The following ZNF701 variants were observed in gnomAD, a reference collection of about 807,000 sequenced individuals.
ZNF701 encodes the protein zinc finger protein 701.
A neutral mutation model predicts 7.1 loss-of-function variants in ZNF701; 6 were observed. The observed-to-expected ratio is 0.84, with a 90% CI of 0.46 to 1.66. The LOEUF is 1.66. Ranked by LOEUF, ZNF701 falls within the 40% of genes most tolerant of loss-of-function variation. The probability of loss-of-function intolerance (pLI) is 0.01; values close to 1 mark genes in which losing one functional copy is unlikely to be tolerated. For missense variants in ZNF701, 541 were observed against 559.2 expected, an observed-to-expected ratio of 0.97 and a Z score of 0.33; for synonymous variants, 166 against 188.2, an observed-to-expected ratio of 0.88 and a Z score of 0.97.
Position 52,582,309 on chromosome 19 carries a change from G to GATA in ZNF701, c.251_253dup (p.Asp84_Thr85insAsn). The GATA allele has an allele frequency of 1.2e-6, 2 of 1,614,052 alleles. No homozygotes were observed. Among genetic ancestry groups the GATA allele is most frequent in the South Asian group, 2.2e-5 (2 of 91,036 alleles). ...AATACATGCAAGTCATCACATTGGA[G>GATA]ATACTTGCTTCCAGGAAATTGAGAA... On this transcript the variant is annotated inframe_insertion, in exon 4 of 4. Coordinates refer to ENST00000391785, the MANE Select transcript of ZNF701 (RefSeq NM_018260.3).
At position 52,574,053 on chromosome 19, in the gene ZNF701, A is replaced by C. The variant is rs1555772102; in HGVS notation, c.-71-24A>C. On this transcript the variant is annotated intron_variant, in intron 1 of 3. Transcript: ENST00000391785. ...AGGAGGTGTGTTGATTCTGAGCAGTAAACAACATATTTCTAACATTCAGGA... is the reference window on the plus strand; with the variant it reads ...AGGAGGTGTGTTGATTCTGAGCAGTCAACAACATATTTCTAACATTCAGGA... 13 of 1,605,414 alleles carry C rather than the reference A, an allele frequency of 8.1e-6. 1 individual carries two copies. The South Asian group carries it at 1.4e-4, about 18-fold the overall frequency.
At chr19:52,573,615 C>T (rs888861577) in intron 1 of ZNF701, among the ~76,000 whole-genome samples, 1 of 151,958 alleles carries the variant, frequency 6.6e-6, no homozygotes, top group Admixed American at 6.6e-5. Context: ...CTCTACTGAT[C>T]CTCCCCCTCA....
the ZNF701 span, chr19:52,598,919 A>C: frequency 1.3e-5 from 2 of 152,176 alleles, no homozygotes; most frequent in Non-Finnish European, 2.9e-5. Flanking sequence ...CAAACAAGCA[A>C]ATAAATGAGA....
At chr19:52,592,142 T>A, downstream of ZNF701, 1 of 1,418,484 alleles carries the variant, frequency 7.0e-7, no homozygotes, top group Non-Finnish European at 9.9e-7. Flanking sequence ...GATTTCTCTT[T>A]GGAGGAGTGG....
chr19:52,596,823 A>G, the ZNF701 span: 2 of 541,310 alleles, frequency 3.7e-6, no homozygotes, highest in Admixed American at 1.9e-5. Context: ...AGAAAAGCAC[A>G]CCTTGCATGT....
downstream of ZNF701, among the ~76,000 whole-genome samples, chr19:52,590,193 C>G (rs1273253651): frequency 3.3e-5 from 5 of 151,930 alleles, no homozygotes; most frequent in Non-Finnish European, 7.4e-5. Context: ...CTCTGCCTCC[C>G]ATGCTCAAGT....
the ZNF701 span, chr19:52,595,670 G>A: frequency 1.5e-6 from 2 of 1,328,514 alleles, no homozygotes; most frequent in Non-Finnish European, 2.1e-6. Flanking sequence ...CGGTAATACA[G>A]GAGAAGTGAT....
intron 3 of ZNF701, among the ~76,000 whole-genome samples, chr19:52,580,981 G>A (rs1403026250): frequency 1.3e-5 from 2 of 149,070 alleles, no homozygotes; most frequent in African/African-American, 2.4e-5. Flanking sequence ...AAAATTAGCC[G>A]GGCATGATGG....
At chr19:52,575,858 C>T in intron 2 of ZNF701, 37 bp from the exon 3 acceptor site, 4 of 1,305,118 alleles carry the variant, frequency 3.1e-6, no homozygotes, top group Non-Finnish European at 4.1e-6. Context: ...AAGATCTCCT[C>T]CCATAACCAT....
At chr19:52,588,885 A>G (rs1476395230), downstream of ZNF701, among the ~76,000 whole-genome samples, 2 of 152,178 alleles carry the variant, frequency 1.3e-5, no homozygotes. Context: ...CTGGGATTAC[A>G]GGTGTCCACC....
Position 52,583,723 on chromosome 19 carries a change from G to A in ZNF701, c.*266G>A. 2 of 768,396 alleles carry A rather than the reference G, an allele frequency of 2.6e-6. No homozygotes were observed. Among genetic ancestry groups the A allele is most frequent in the Non-Finnish European group, 4.6e-6 (2 of 436,546 alleles). 47.6% of individuals were successfully genotyped at this position (768,396 alleles called of 1,614,324 possible). On this transcript the variant is annotated 3_prime_UTR_variant, in exon 4 of 4. Coordinates refer to ENST00000391785, the MANE Select transcript of ZNF701 (RefSeq NM_018260.3). ...GAACTGTACAAGTGTAATGAGTGTG[G>A]CAGAGCCTTTGGTGGTCAGTCAACA...
At chr19:52,596,062 C>T in the ZNF701 span, 1 of 1,296,028 alleles carries the variant, frequency 7.7e-7, no homozygotes, top group Non-Finnish European at 1.1e-6. Flanking sequence ...AGAATTTCCT[C>T]TATTCTTCAT....
intron 2 of ZNF701, among the ~76,000 whole-genome samples, chr19:52,575,004 C>G (rs959163485): frequency 2.0e-5 from 3 of 152,182 alleles, no homozygotes; most frequent in Non-Finnish European, 4.4e-5. Flanking sequence ...GAGTCTCGCT[C>G]TGTTGCCCAG....
At chr19:52,578,871 C>T (rs1368424618) in intron 3 of ZNF701, among the ~76,000 whole-genome samples, 3 of 152,060 alleles carry the variant, frequency 2.0e-5, no homozygotes, top group East Asian at 1.9e-4. Flanking sequence ...CATTCTCCTG[C>T]CTCAGCCTCC....
downstream of ZNF701, among the ~76,000 whole-genome samples, chr19:52,590,401 A>C (rs1016323308): frequency 6.6e-6 from 1 of 152,196 alleles, no homozygotes; most frequent in African/African-American, 2.4e-5. Context: ...CCTCTTCACT[A>C]ATTTTTAATT....
chr19:52,595,272 C>G, the ZNF701 span, among the ~76,000 whole-genome samples: 13 of 123,860 alleles, frequency 1.0e-4, no homozygotes, highest in African/African-American at 4.1e-4. Context: ...TATTTACCAT[C>G]TGTACTTTTT....
chr19:52,577,237 C>T (rs1265826907), intron 3 of ZNF701, among the ~76,000 whole-genome samples: 1 of 152,080 alleles, frequency 6.6e-6, no homozygotes, highest in Non-Finnish European at 1.5e-5. Context: ...GTAGCTGGGA[C>T]TGTAGGCGCT....
chr19:52,582,999 G>C lies in ZNF701; in HGVS notation c.940G>C (p.Ala314Pro), dbSNP rs1351589346. The C allele has an allele frequency of 1.9e-6, 3 of 1,613,840 alleles. No individual in the cohort carries two copies. The African/African-American group carries it at 4.0e-5, about 22-fold the overall frequency. The change falls in exon 4 of 4, where the codon GCA (alanine) becomes CCA (proline). Residue 314 changes from alanine (A) to proline (P), a missense_variant. Coordinates refer to ENST00000391785, the MANE Select transcript of ZNF701 (RefSeq NM_018260.3). ...GGTTTTTAATCAACAATCAAACCTT[G>C]CACGTCATCATAGAGTTCATACTGG... The part of the protein sequence containing the change: ...GKVFNQQSNL[A>P]RHHRVHTGEK...
chr19:52,593,062 T>C, the ZNF701 span, among the ~76,000 whole-genome samples: 72 of 117,754 alleles, frequency 6.1e-4, 25 homozygotes, highest in South Asian at 2.8e-3. Flanking sequence ...CCTGAGTGGA[T>C]ACAGCACATG....
Sources: gnomAD v4.1 joint callset for allele counts (sites outside exome capture counted in the v4.1 genomes callset) on GRCh38, gnomAD v4.1.1 for gene constraint, MANE v1.5 for transcripts, NCBI Gene and HGNC (gene_info 2026-07-23, HGNC 2026-07-21) for gene names.